NUP205: variants seen among roughly 807,000 people sequenced by gnomAD.
NUP205 encodes the protein nuclear pore complex protein Nup205.
A neutral mutation model predicts 253.8 loss-of-function variants in NUP205; 76 were observed. The ratio of observed to expected loss-of-function variants is 0.30; its 90% confidence interval spans 0.25 to 0.36. NUP205 has a LOEUF of 0.36. Among genes scored for constraint, NUP205 ranks in the 10% least tolerant of loss-of-function variants. NUP205 has a pLI of 1.00. For missense variants in NUP205, 2,162 were observed against 2,425.5 expected (o/e 0.89, Z 2.28); for synonymous variants, 832 against 850.1 (o/e 0.98, Z 0.37).
chr7:135,612,246 C>T (rs972665413), intron 22 of NUP205, among the ~76,000 whole-genome samples: 1 of 152,154 alleles, frequency 6.6e-6, no homozygotes, highest in African/African-American at 2.4e-5. Context: ...TTCATTGCCC[C>T]TATGGAAAAT....
chr7:135,593,159 T>A lies in NUP205; in HGVS notation c.1797T>A (p.Ala599=), dbSNP rs774333899. The A allele has an allele frequency of 6.2e-7, 1 of 1,614,114 alleles. No individual in the cohort carries two copies. Among genetic ancestry groups the A allele is most frequent in the Non-Finnish European group, 8.5e-7 (1 of 1,179,982 alleles). ...AGAAGGAGCAAGATGGATTGATTGC[T>A]TTTTTGCAGCTCACGTCTACCATCA... ...ITQKEQDGLI[A]FLQLTSTIIT... Residue 599 remains alanine, a synonymous_variant, in exon 12 of 43, where the codon GCT becomes GCA. Coordinates refer to ENST00000285968, the MANE Select transcript of NUP205 (RefSeq NM_015135.3).
At chr7:135,635,898 T>G (rs1356098159) in intron 36 of NUP205, among the ~76,000 whole-genome samples, 1 of 152,162 alleles carries the variant, frequency 6.6e-6, no homozygotes, top group Non-Finnish European at 1.5e-5. Flanking sequence ...CTCCTTTTCT[T>G]CCATCATACA....
At chr7:135,640,051 C>T (rs915052306) in intron 38 of NUP205, among the ~76,000 whole-genome samples, 1 of 152,140 alleles carries the variant, frequency 6.6e-6, no homozygotes, top group African/African-American at 2.4e-5. Flanking sequence ...CACACCAGTG[C>T]CTGTCAGGGG....
intron 42 of NUP205, among the ~76,000 whole-genome samples, chr7:135,647,332 A>C (rs1395103583): frequency 6.6e-6 from 1 of 152,228 alleles, no homozygotes; most frequent in Non-Finnish European, 1.5e-5. Flanking sequence ...GTGCAGTTAC[A>C]GCAGCCTCCA....
At chr7:135,646,952 T>C (rs1323949277) in intron 42 of NUP205, among the ~76,000 whole-genome samples, 1 of 152,210 alleles carries the variant, frequency 6.6e-6, no homozygotes, top group East Asian at 1.9e-4. Context: ...ACTTTTTAGG[T>C]ACAAAGTATC....
Position 135,593,277 on chromosome 7 carries a change from A to G in NUP205, c.1830+85A>G, listed in dbSNP as rs543022634. 20 of 1,259,304 alleles carry G rather than the reference A, an allele frequency of 1.6e-5. No individual in the cohort carries two copies. In the South Asian group the frequency reaches 2.7e-4, roughly 17 times the overall value. 78.0% of individuals were successfully genotyped at this position (1,259,304 alleles called of 1,614,324 possible). A position where few individuals can be genotyped will look rare whatever the true frequency, so the allele number is the denominator to read the frequency against. ...GCCCCAAACATTTTCTTTTAATTTA[A>G]GAGTAATAAACTTAGCCTATCTAGA... is the stretch of plus-strand genomic sequence containing the variant. On this transcript the variant is annotated intron_variant, in intron 12 of 42. Transcript: ENST00000285968.
chr7:135,565,729 T>C (rs1225198600), intron 1 of NUP205, among the ~76,000 whole-genome samples: 1 of 152,186 alleles, frequency 6.6e-6, no homozygotes, highest in African/African-American at 2.4e-5. Context: ...TTACCTCTTA[T>C]CCTTGTTTCC....
chr7:135,601,661 TGA>T (rs1428051151), intron 17 of NUP205, among the ~76,000 whole-genome samples, 154 bp downstream of exon 17: 2 of 152,212 alleles, frequency 1.3e-5, no homozygotes, highest in Non-Finnish European at 2.9e-5. Context: ...ATCATTTAAA[TGA>T]GAGTATTGTA....
chr7:135,612,119 CAAAAAAAACAGAAGA>C (rs1794254269), intron 22 of NUP205, among the ~76,000 whole-genome samples: 1 of 150,002 alleles, frequency 6.7e-6, no homozygotes, highest in Non-Finnish European at 1.5e-5. Context: ...AACTGCATCT[CAAAAAAAACAGAAGA>C]AAAAAAAACA....
chr7:135,615,727 A>AT (rs1330567068), intron 23 of NUP205, among the ~76,000 whole-genome samples, 189 bp from the exon 24 acceptor site: 3 of 151,720 alleles, frequency 2.0e-5, no homozygotes, highest in Non-Finnish European at 4.4e-5. Context: ...ATACTAGCTT[A>AT]TTTTTTTCTT....
In NUP205 at chr7:135,558,073, T is replaced by C. The variant is rs1448990720; in HGVS notation, c.28+101T>C. The C allele has an allele frequency of 5.1e-6, 5 of 981,984 alleles. No homozygotes were observed. In the African/African-American group the frequency reaches 8.0e-5, roughly 16 times the overall value. 60.8% of individuals were successfully genotyped at this position (981,984 alleles called of 1,614,324 possible). ...TTCTCGGAGTCTAGGACCCCACTTA[T>C]GTGCGGTGCCTGCTTTTCCCTAATT... On this transcript the variant is annotated intron_variant, in intron 1 of 42. Coordinates refer to ENST00000285968, the MANE Select transcript of NUP205 (RefSeq NM_015135.3).
chr7:135,579,374 A>G (rs1806244614), intron 7 of NUP205, among the ~76,000 whole-genome samples: 1 of 151,606 alleles, frequency 6.6e-6, no homozygotes, highest in African/African-American at 2.4e-5. Context: ...GTGTATTTTT[A>G]GTAGAAATGG....
intron 39 of NUP205, 89 bp from the exon 40 acceptor site, chr7:135,644,806 A>G (rs1222576095): frequency 2.4e-6 from 3 of 1,250,344 alleles, no homozygotes; most frequent in African/African-American, 1.5e-5. Context: ...TTTTCATAGC[A>G]TTTATCATGG....
At chr7:135,632,441 A>G (rs1047815758) in intron 35 of NUP205, among the ~76,000 whole-genome samples, 3 of 152,050 alleles carry the variant, frequency 2.0e-5, no homozygotes, top group African/African-American at 7.2e-5. Flanking sequence ...ATATGTAACT[A>G]CGAGGCTACA....
chr7:135,629,676 A>T (rs1794670192), intron 34 of NUP205, among the ~76,000 whole-genome samples: 1 of 151,904 alleles, frequency 6.6e-6, no homozygotes, highest in Non-Finnish European at 1.5e-5. Context: ...ACAGGTGTGC[A>T]CCACTGCATC....
intron 7 of NUP205, among the ~76,000 whole-genome samples, chr7:135,581,434 C>T (rs533358386): frequency 6.6e-6 from 1 of 152,190 alleles, no homozygotes; most frequent in Admixed American, 6.5e-5. Flanking sequence ...GTAGTCCCAG[C>T]TACGCAGGAG....
chr7:135,631,441 C>T (rs1355993609), intron 35 of NUP205, among the ~76,000 whole-genome samples: 2 of 152,144 alleles, frequency 1.3e-5, no homozygotes, highest in Non-Finnish European at 2.9e-5. Flanking sequence ...TACTTTCCCC[C>T]CTTATAATTT....
intron 7 of NUP205, among the ~76,000 whole-genome samples, chr7:135,583,358 G>A (rs2129490004): frequency 6.6e-6 from 1 of 152,226 alleles, no homozygotes; most frequent in African/African-American, 2.4e-5. Flanking sequence ...TTTCTTGATG[G>A]AAAGATACAC....
chr7:135,564,050 T>G (rs1305926634), intron 1 of NUP205, among the ~76,000 whole-genome samples: 1 of 151,780 alleles, frequency 6.6e-6, no homozygotes, highest in African/African-American at 2.4e-5. Context: ...TGAAGATAAC[T>G]CTTTGTTGCG....
Sources: allele counts gnomAD v4.1 joint callset (sites outside exome capture counted in the v4.1 genomes callset), GRCh38; gene constraint gnomAD v4.1.1; transcripts MANE v1.5; gene names NCBI Gene and HGNC (gene_info 2026-07-23, HGNC 2026-07-21).